The following NRG3 variants were observed in gnomAD, a reference collection of about 807,000 sequenced individuals.
NRG3 encodes pro-neuregulin-3, membrane-bound isoform.
In NRG3, 31 loss-of-function variants were observed where a neutral mutation model predicts 66.9. The ratio of observed to expected loss-of-function variants is 0.46; its 90% confidence interval spans 0.35 to 0.63. The LOEUF (loss-of-function observed/expected upper bound fraction) is 0.63, where lower values mean the gene tolerates loss of function less well. NRG3 is among the 20% of genes least tolerant of loss of function. The probability of loss-of-function intolerance (pLI) is 0.00; values close to 1 mark genes in which losing one functional copy is unlikely to be tolerated. For missense variants in NRG3, 910 were observed against 878.9 expected (o/e 1.04, Z -0.45); for synonymous variants, 393 against 359.4 (o/e 1.09, Z -1.06).
chr10:82,446,871 G>A (rs2090754648), intron 2 of NRG3, among the ~76,000 whole-genome samples: 1 of 152,152 alleles, frequency 6.6e-6, no homozygotes, highest in South Asian at 2.1e-4. Flanking sequence ...TAAGATTTTG[G>A]TTCTGAATTG....
intron 3 of NRG3, among the ~76,000 whole-genome samples, chr10:82,745,697 T>C (rs2058612160): frequency 6.6e-6 from 1 of 152,134 alleles, no homozygotes; most frequent in African/African-American, 2.4e-5. Context: ...TTTTAAATTA[T>C]ATAGACACCA....
At chr10:82,466,587 TAAATAAG>T (rs1334107883) in intron 2 of NRG3, among the ~76,000 whole-genome samples, 3 of 152,022 alleles carry the variant, frequency 2.0e-5, no homozygotes, top group Middle Eastern at 6.8e-3. Context: ...AGAAGACTGG[TAAATAAG>T]CAGGATGCTG....
At chr10:82,177,872 C>A (rs2073148588) in intron 1 of NRG3, among the ~76,000 whole-genome samples, 1 of 152,042 alleles carries the variant, frequency 6.6e-6, no homozygotes, top group Non-Finnish European at 1.5e-5. Context: ...AGACCTATAA[C>A]CAGTAAGGAG....
chr10:81,937,226 T>C (rs911746621), intron 1 of NRG3, among the ~76,000 whole-genome samples: 3 of 152,178 alleles, frequency 2.0e-5, no homozygotes, highest in African/African-American at 7.2e-5. Flanking sequence ...TGAGTAATGC[T>C]GCAGTGAACA....
At chr10:82,130,467 C>A (rs368135776) in intron 1 of NRG3, among the ~76,000 whole-genome samples, 14 of 152,050 alleles carry the variant, frequency 9.2e-5, no homozygotes, top group African/African-American at 3.4e-4. Flanking sequence ...GCTTCTAAAT[C>A]TTGGCTATTG....
In NRG3 at chr10:82,911,052, A is replaced by G. The variant is rs1845272493; in HGVS notation, c.1055-40417A>G. 2.0e-5 allele frequency among the ~76,000 whole-genome samples: 3 copies of G among 152,206 alleles called. No homozygotes were observed. In the South Asian group the frequency reaches 6.2e-4, roughly 31 times the overall value. On this transcript the variant is annotated intron_variant, in intron 4 of 8. Transcript: ENST00000372141. ...TTACAAAAATCATTGTCATTCTTTA[A>G]ATAGGGTAGAGGGTTTACCTTCTGA...
At chr10:82,810,488 C>T (rs1188431886) in intron 3 of NRG3, among the ~76,000 whole-genome samples, 2 of 152,086 alleles carry the variant, frequency 1.3e-5, no homozygotes, top group Non-Finnish European at 2.9e-5. Context: ...GAAGGCCAGG[C>T]ACTGTGGCTC....
At chr10:82,548,155 A>G (rs952704759) in intron 2 of NRG3, among the ~76,000 whole-genome samples, 6 of 151,422 alleles carry the variant, frequency 4.0e-5, no homozygotes, top group Admixed American at 2.0e-4. Flanking sequence ...ATTCAAGGTT[A>G]TATATTTTTG....
rs1419171377 is a variant in NRG3, at chr10:82,222,337, T to C, written c.824-136402T>C. Among the ~76,000 whole-genome samples, 3 of 150,346 alleles carry C rather than the reference T, an allele frequency of 2.0e-5. No homozygotes were observed. The East Asian group carries it at 5.9e-4, about 29-fold the overall frequency. On this transcript the variant is annotated intron_variant, in intron 1 of 8. Transcript: ENST00000372141. Reference sequence around the variant, plus strand: ...TAAATAAATCAGGAGTTAACGCCGATTGTGATGAGAACTCAGGAGAAGTGT... The same window carrying C: ...TAAATAAATCAGGAGTTAACGCCGACTGTGATGAGAACTCAGGAGAAGTGT...
chr10:81,922,638 T>C (rs1473839343), intron 1 of NRG3, among the ~76,000 whole-genome samples: 1 of 152,194 alleles, frequency 6.6e-6, no homozygotes, highest in Non-Finnish European at 1.5e-5. Flanking sequence ...AATTTGTCTT[T>C]AGTTTTTTCT....
chr10:82,400,461 C>T (rs916103138), intron 2 of NRG3, among the ~76,000 whole-genome samples: 3 of 152,014 alleles, frequency 2.0e-5, no homozygotes, highest in African/African-American at 7.2e-5. Flanking sequence ...ACCTGAGGTT[C>T]TCTGTTTTTA....
intron 2 of NRG3, among the ~76,000 whole-genome samples, chr10:82,585,257 A>G (rs1196862743): frequency 6.6e-6 from 1 of 152,166 alleles, no homozygotes; most frequent in African/African-American, 2.4e-5. Flanking sequence ...ACTATGGAAC[A>G]TGAAAGATGG....
intron 4 of NRG3, among the ~76,000 whole-genome samples, chr10:82,880,382 C>T (rs368682508): frequency 7.2e-4 from 109 of 152,188 alleles, no homozygotes; most frequent in East Asian, 2.7e-3. Flanking sequence ...CATAGAGCTT[C>T]AGGGCACAGA....
At chr10:82,928,476 T>A (rs900582246) in intron 4 of NRG3, among the ~76,000 whole-genome samples, 17 of 152,254 alleles carry the variant, frequency 1.1e-4, no homozygotes, top group African/African-American at 4.1e-4. Context: ...TTTTAGGTCT[T>A]AAGTTTAAGT....
chr10:82,198,596 A>C lies in NRG3; in HGVS notation c.824-160143A>C, dbSNP rs77936893. 7.2e-3 allele frequency among the ~76,000 whole-genome samples: 1,101 copies of C among 152,280 alleles called. 55 individuals carry two copies. In the East Asian group the frequency reaches 0.14, roughly 19 times the overall value. ...AAGGCCATATTTCTCTCTGAGGTTTAAAAAAGTGTTGTTTCATTCATTTAT... is the reference window on the plus strand; with the variant it reads ...AAGGCCATATTTCTCTCTGAGGTTTCAAAAAGTGTTGTTTCATTCATTTAT... On this transcript the variant is annotated intron_variant, in intron 1 of 8. Coordinates refer to ENST00000372141, the MANE Select transcript of NRG3 (RefSeq NM_001010848.4).
At chr10:82,622,847 G>A (rs1326812103) in intron 2 of NRG3, among the ~76,000 whole-genome samples, 2 of 152,102 alleles carry the variant, frequency 1.3e-5, no homozygotes, top group Non-Finnish European at 2.9e-5. Flanking sequence ...AGATGATTTC[G>A]CCCAACTATA....
intron 1 of NRG3, among the ~76,000 whole-genome samples, chr10:81,952,228 A>T (rs1849432384): frequency 6.6e-6 from 1 of 152,148 alleles, no homozygotes; most frequent in Admixed American, 6.5e-5. Flanking sequence ...GTACCCTAAA[A>T]CTTAAAGTAT....
At chr10:82,117,173 C>T (rs377281748) in intron 1 of NRG3, among the ~76,000 whole-genome samples, 15 of 152,084 alleles carry the variant, frequency 9.9e-5, no homozygotes, top group East Asian at 3.9e-4. Context: ...CTCCCCCAGG[C>T]GGAAATAGTT....
chr10:82,102,275 T>C (rs2066808612), intron 1 of NRG3, among the ~76,000 whole-genome samples: 1 of 149,786 alleles, frequency 6.7e-6, no homozygotes, highest in Non-Finnish European at 1.5e-5. Context: ...GATATTGATA[T>C]AGCCATCCCA....
Sources: allele counts gnomAD v4.1 joint callset (sites outside exome capture counted in the v4.1 genomes callset), GRCh38; gene constraint gnomAD v4.1.1; transcripts MANE v1.5; gene names NCBI Gene and HGNC (gene_info 2026-07-23, HGNC 2026-07-21).